CPQ: variants seen among roughly 807,000 people sequenced by gnomAD.
The protein encoded by CPQ is Ser-Met dipeptidase.
CPQ carries 37 observed loss-of-function variants against 45.7 expected under a neutral mutation model. The observed-to-expected ratio is 0.81, with a 90% CI of 0.62 to 1.07. The LOEUF (loss-of-function observed/expected upper bound fraction) is 1.07, where lower values mean the gene tolerates loss of function less well. CPQ is among the 50% of genes least tolerant of loss of function. CPQ has a pLI of 0.00. For synonymous variants in CPQ, 186 were observed against 205.8 expected (o/e 0.90, Z 0.82); for missense variants, 537 against 572.9 (o/e 0.94, Z 0.64).
chr8:97,099,115 C>CTCTCTCTTTTTTTTTTTTTTT (rs1554589610), intron 7 of CPQ, among the ~76,000 whole-genome samples: 1 of 66,316 alleles, frequency 1.5e-5, no homozygotes, highest in Admixed American at 2.7e-4. Flanking sequence ...CCTTCTCTCT[C>CTCTCTCTTTTTTTTTTTTTTT]TTTTTTTTTT....
intron 3 of CPQ, among the ~76,000 whole-genome samples, chr8:96,869,784 G>A (rs1812042546): frequency 6.6e-6 from 1 of 152,006 alleles, no homozygotes. Flanking sequence ...ATCTGTTTTA[G>A]CAAGACTTCC....
chr8:96,978,024 T>C (rs1323937023), intron 5 of CPQ, among the ~76,000 whole-genome samples: 1 of 152,210 alleles, frequency 6.6e-6, no homozygotes, highest in Non-Finnish European at 1.5e-5. Flanking sequence ...TTTAATTACA[T>C]GTAAAACTAG....
chr8:96,898,723 A>G (rs1309949550), intron 4 of CPQ, among the ~76,000 whole-genome samples: 1 of 149,704 alleles, frequency 6.7e-6, no homozygotes, highest in African/African-American at 2.5e-5. Context: ...ACATGTATAT[A>G]TATGTAACTA....
chr8:97,104,270 T>C (rs1244453689), intron 7 of CPQ, among the ~76,000 whole-genome samples: 1 of 152,082 alleles, frequency 6.6e-6, no homozygotes, highest in African/African-American at 2.4e-5. Flanking sequence ...GGGAGGAGAG[T>C]AAACTAAACC....
At chr8:96,792,407 G>A (rs1344782438) in intron 2 of CPQ, among the ~76,000 whole-genome samples, 1 of 152,158 alleles carries the variant, frequency 6.6e-6, no homozygotes, top group African/African-American at 2.4e-5. Context: ...GGGTCTTCAT[G>A]GTTTATGGTC....
At chr8:96,770,064 A>G (rs1463467199) in intron 1 of CPQ, among the ~76,000 whole-genome samples, 20 of 152,214 alleles carry the variant, frequency 1.3e-4, no homozygotes, top group Admixed American at 1.3e-3. Context: ...TAATTTTCTA[A>G]GAAGGCAAAC....
At chr8:97,012,086 G>C (rs1809496611) in intron 5 of CPQ, among the ~76,000 whole-genome samples, 1 of 152,202 alleles carries the variant, frequency 6.6e-6, no homozygotes, top group East Asian at 1.9e-4. Flanking sequence ...CCTCTGGATT[G>C]TAAGTTTCAT....
chr8:96,977,949 C>A (rs1285127017), intron 5 of CPQ, among the ~76,000 whole-genome samples: 1 of 152,110 alleles, frequency 6.6e-6, no homozygotes, highest in African/African-American at 2.4e-5. Flanking sequence ...CCAAACACCA[C>A]CTGTTCCCCA....
chr8:96,976,674 A>G (rs1813794422), intron 5 of CPQ, among the ~76,000 whole-genome samples: 1 of 152,184 alleles, frequency 6.6e-6, no homozygotes, highest in Non-Finnish European at 1.5e-5. Context: ...GGAAGAGAAG[A>G]AAGAACCCAG....
intron 7 of CPQ, among the ~76,000 whole-genome samples, chr8:97,083,781 C>T (rs1810997290): frequency 6.6e-6 from 1 of 152,124 alleles, no homozygotes. Flanking sequence ...TCTAGTTTGT[C>T]TGCTATGGAC....
intron 4 of CPQ, among the ~76,000 whole-genome samples, chr8:96,914,277 A>G (rs1812704236): frequency 6.6e-6 from 1 of 152,196 alleles, no homozygotes; most frequent in Non-Finnish European, 1.5e-5. Context: ...CAAGCTAAAT[A>G]TGAGAAAAAA....
intron 7 of CPQ, among the ~76,000 whole-genome samples, chr8:97,106,409 T>A (rs531100344): frequency 1.3e-5 from 2 of 152,338 alleles, no homozygotes; most frequent in African/African-American, 4.8e-5. Context: ...GTTAACACAT[T>A]TTTATTGAGC....
At chr8:97,117,731 G>A (rs1586549287) in intron 7 of CPQ, among the ~76,000 whole-genome samples, 1 of 151,898 alleles carries the variant, frequency 6.6e-6, no homozygotes, top group South Asian at 2.1e-4. Context: ...TAGAGACGAG[G>A]TCTCATCATG....
intron 4 of CPQ, among the ~76,000 whole-genome samples, chr8:96,904,623 C>A (rs1812552503): frequency 6.6e-6 from 1 of 152,084 alleles, no homozygotes; most frequent in South Asian, 2.1e-4. Context: ...ACCACAGATG[C>A]TTTTTAAAAA....
intron 3 of CPQ, among the ~76,000 whole-genome samples, chr8:96,855,002 C>T (rs1293949370): frequency 1.3e-5 from 2 of 152,114 alleles, no homozygotes; most frequent in African/African-American, 2.4e-5. Context: ...TTTTGGGGTC[C>T]ATATAAAACA....
intron 4 of CPQ, among the ~76,000 whole-genome samples, chr8:96,898,414 A>G (rs1326520156): frequency 6.6e-6 from 1 of 152,122 alleles, no homozygotes; most frequent in Non-Finnish European, 1.5e-5. Flanking sequence ...AAGGAAAGGG[A>G]AAGGAAACTT....
intron 7 of CPQ, among the ~76,000 whole-genome samples, chr8:97,102,793 A>G (rs1811335832): frequency 6.6e-6 from 1 of 152,212 alleles, no homozygotes; most frequent in Admixed American, 6.5e-5. Context: ...AGTTGACTAT[A>G]TTAGTTTCCT....
At chr8:96,900,980 G>T (rs981567314) in intron 4 of CPQ, among the ~76,000 whole-genome samples, 1 of 152,046 alleles carries the variant, frequency 6.6e-6, no homozygotes, top group Non-Finnish European at 1.5e-5. Context: ...TCTCTTTCCT[G>T]GGCTGAGCTT....
At chr8:97,115,888 T>C (rs767486160) in intron 7 of CPQ, among the ~76,000 whole-genome samples, 1 of 152,230 alleles carries the variant, frequency 6.6e-6, no homozygotes, top group Non-Finnish European at 1.5e-5. Flanking sequence ...ATAATTGTTT[T>C]TTTAAATTTT....
Sources: allele counts gnomAD v4.1 joint callset (sites outside exome capture counted in the v4.1 genomes callset), GRCh38; gene constraint gnomAD v4.1.1; transcripts MANE v1.5; gene names NCBI Gene and HGNC (gene_info 2026-07-23, HGNC 2026-07-21).